SMIM19: variants seen among roughly 807,000 people sequenced by gnomAD.
SMIM19 encodes small integral membrane protein 19.
Under a neutral mutation model 13.2 loss-of-function variants are expected in SMIM19, and 6 were observed. That is an observed-to-expected ratio of 0.45 (90% confidence interval 0.25 to 0.90). The LOEUF (loss-of-function observed/expected upper bound fraction) is 0.90, where lower values mean the gene tolerates loss of function less well. SMIM19 is among the 40% of genes least tolerant of loss of function. The pLI, the probability that SMIM19 is intolerant of heterozygous loss-of-function variation, is 0.19. For synonymous variants in SMIM19, 46 were observed against 43.1 expected, an observed-to-expected ratio of 1.07 and a Z score of -0.27; for missense variants, 138 against 131.0, an observed-to-expected ratio of 1.05 and a Z score of -0.26.
chr8:42,550,261 A>T (rs2131497246), intron 3 of SMIM19, among the ~76,000 whole-genome samples: 1 of 152,306 alleles, frequency 6.6e-6, no homozygotes, highest in African/African-American at 2.4e-5. Flanking sequence ...TTTTTGATGG[A>T]AATGATATAA....
At chr8:42,551,314 A>AAG (rs1294994254) in intron 3 of SMIM19, among the ~76,000 whole-genome samples, 2 of 149,446 alleles carry the variant, frequency 1.3e-5, no homozygotes, top group African/African-American at 4.9e-5. Context: ...CGAGACTCAA[A>AAG]AAAAAAAAAA....
At chr8:42,542,844 G>A (rs974389289) in intron 1 of SMIM19, among the ~76,000 whole-genome samples, 1 of 151,840 alleles carries the variant, frequency 6.6e-6, no homozygotes. Flanking sequence ...CCCAGGCATG[G>A]TGGCACTTGC....
chr8:42,552,516 T>C (rs1189014867), intron 3 of SMIM19, 28 bp from the exon 4 acceptor site: 3 of 1,611,618 alleles, frequency 1.9e-6, no homozygotes, highest in Non-Finnish European at 2.5e-6. Context: ...TTATTAATTT[T>C]ATCTCTTCTT....
At position 42,541,938 on chromosome 8, in the gene SMIM19, G is replaced by A. The variant is rs1813233287; in HGVS notation, c.-440G>A. 6.6e-6 allele frequency: 1 copy of A among 152,212 alleles called. No individual in the cohort carries two copies. Among genetic ancestry groups the A allele is most frequent in the Admixed American group, 6.5e-5 (1 of 15,280 alleles). The allele number at this position is 152,212 out of a possible 1,614,324, so 9.4% of individuals were successfully genotyped here. A position where few individuals can be genotyped will look rare whatever the true frequency, so the allele number is the denominator to read the frequency against. ...CGCTTCCGGAAGCGCACACGGGCCA[G>A]TTGCGGCGGCCCATCTGCCGGGGCG... On this transcript the variant is annotated 5_prime_UTR_variant, in exon 1 of 4. Coordinates refer to ENST00000417410, the MANE Select transcript of SMIM19 (RefSeq NM_001135674.2).
chr8:42,542,875 G>A (rs970129696), intron 1 of SMIM19, among the ~76,000 whole-genome samples: 11 of 151,794 alleles, frequency 7.2e-5, no homozygotes, highest in Non-Finnish European at 1.3e-4. Flanking sequence ...AACTACTTGG[G>A]AGGCTGAGGC....
chr8:42,552,056 T>A (rs532114581), intron 3 of SMIM19, among the ~76,000 whole-genome samples: 1 of 152,096 alleles, frequency 6.6e-6, no homozygotes, highest in Non-Finnish European at 1.5e-5. Flanking sequence ...GCATCAGCAG[T>A]GTTGAGAAAT....
At chr8:42,549,848 G>C (rs1813610994) in intron 3 of SMIM19, among the ~76,000 whole-genome samples, 1 of 152,098 alleles carries the variant, frequency 6.6e-6, no homozygotes, top group South Asian at 2.1e-4. Flanking sequence ...TGTAATCCTA[G>C]CACTTTGGGA....
At chr8:42,548,176 G>A (rs1813550400) in intron 2 of SMIM19, among the ~76,000 whole-genome samples, 1 of 152,166 alleles carries the variant, frequency 6.6e-6, no homozygotes, top group African/African-American at 2.4e-5. Flanking sequence ...TAAAAGCAGA[G>A]GCACGCTGTT....
chr8:42,550,151 A>G (rs1050428897), intron 3 of SMIM19, among the ~76,000 whole-genome samples: 2 of 152,080 alleles, frequency 1.3e-5, no homozygotes, highest in African/African-American at 4.8e-5. Flanking sequence ...AATTCTAAGT[A>G]AAGAACTAAG....
At chr8:42,544,512 C>A (rs1813411630) in intron 1 of SMIM19, among the ~76,000 whole-genome samples, 1 of 151,496 alleles carries the variant, frequency 6.6e-6, no homozygotes, top group Non-Finnish European at 1.5e-5. Context: ...TGGGTATAGT[C>A]TAGTGTTTAA....
In SMIM19 at chr8:42,546,570, T is replaced by C. The variant is rs1650292160; in HGVS notation, c.98T>C (p.Ile33Thr). 1.9e-6 allele frequency: 3 copies of C among 1,614,110 alleles called. No homozygotes were observed. Among genetic ancestry groups the C allele is most frequent in the African/African-American group, 2.7e-5 (2 of 74,954 alleles). The stretch of plus-strand genomic sequence containing the variant: ...GCCACCAATGTTTACTTGATAGTTA[T>C]CCTTGTTAGCTTCGGTCTCTTCATG... Reference protein sequence around the residue: ...NEATNVYLIVILVSFGLFMYA... With the variant: ...NEATNVYLIVTLVSFGLFMYA... Residue 33 changes from isoleucine to threonine, a missense_variant, in exon 2 of 4, where the codon ATC (isoleucine) becomes ACC (threonine). By Grantham distance (89) the Ile-to-Thr change is moderately conservative (BLOSUM62 -1). Coordinates refer to ENST00000417410, the MANE Select transcript of SMIM19 (RefSeq NM_001135674.2).
Position 42,552,546 on chromosome 8 carries a change from A to G in SMIM19, c.262A>G (p.Arg88Gly), listed in dbSNP as rs1301639242. ...RQQLEMYSIS[R>G]KYDYQQPQNQ... ...CTTCTTTTTCTTGTTGTGAATAGCAAGAAAGTACGACTATCAGCAGCCACA... is the reference window on the plus strand; with the variant it reads ...CTTCTTTTTCTTGTTGTGAATAGCAGGAAAGTACGACTATCAGCAGCCACA... The change falls in exon 4 of 4, where the codon AGA (arginine) becomes GGA (glycine). Residue 88 changes from arginine to glycine, a missense_variant and splice_region_variant. Transcript: ENST00000417410. 6.2e-7 allele frequency: 1 copy of G among 1,613,958 alleles called. No individual in the cohort carries two copies. The highest frequency in any genetic ancestry group is 1.7e-5 in the Admixed American group (1 of 59,996).
At chr8:42,543,341 C>CT (rs1050272412) in intron 1 of SMIM19, among the ~76,000 whole-genome samples, 2 of 152,114 alleles carry the variant, frequency 1.3e-5, no homozygotes, top group African/African-American at 2.4e-5. Context: ...CTCCTTACTC[C>CT]TGGCAGCCTT....
At chr8:42,547,106 A>C (rs1402576320) in intron 2 of SMIM19, among the ~76,000 whole-genome samples, 1 of 152,104 alleles carries the variant, frequency 6.6e-6, no homozygotes, top group Non-Finnish European at 1.5e-5. Flanking sequence ...CACACCTGTA[A>C]TCCCAGCATT....
At chr8:42,545,352 A>T (rs1411912906) in intron 1 of SMIM19, among the ~76,000 whole-genome samples, 5 of 152,166 alleles carry the variant, frequency 3.3e-5, no homozygotes, top group African/African-American at 1.2e-4. Flanking sequence ...AGCAAAATGT[A>T]TCTTTTCATC....
At chr8:42,548,427 T>G (rs1472535114) in intron 2 of SMIM19, 2 of 565,656 alleles carry the variant, frequency 3.5e-6, no homozygotes, top group South Asian at 3.0e-5. Context: ...AACTTCACTT[T>G]GTTGTGTTAA....
At chr8:42,552,194 G>A (rs150460549) in intron 3 of SMIM19, among the ~76,000 whole-genome samples, 475 of 152,112 alleles carry the variant, frequency 3.1e-3, no homozygotes, top group African/African-American at 0.011. Flanking sequence ...CAAAGCAAGA[G>A]GATCACTTGA....
rs140337330 is a variant in SMIM19, at chr8:42,548,761, A to G, written c.240A>G (p.Gln80=). The G allele has an allele frequency of 1.1e-3, 1,762 of 1,613,772 alleles. 5 individuals carry two copies. The highest frequency in any genetic ancestry group is 2.1e-3 in the South Asian group (187 of 90,998). Residue 80 remains glutamine, a synonymous_variant, in exon 3 of 4, where the codon CAA becomes CAG. Transcript: ENST00000417410. ...TAAGCAAGATTCGTTTAAGACAACA[A>G]CTGGAAATGTATTCCATTTGTAAGT... ...DTISKIRLRQ[Q]LEMYSISRKY...
chr8:42,554,962 G>A lies in SMIM19; in HGVS notation c.*2354G>A, dbSNP rs1299700921. The A allele has an allele frequency of 6.6e-6, 1 of 152,214 alleles. No homozygotes were observed. Among genetic ancestry groups the A allele is most frequent in the Non-Finnish European group, 1.5e-5 (1 of 68,046 alleles). The allele number at this position is 152,214 out of a possible 1,614,324, so 9.4% of individuals were successfully genotyped here. Reference sequence around the variant, plus strand: ...CCAGCCAGCTGCGTGAAGGGGAGAAGGCCGCCTCCAAGGACACAGATGTTT... The same window carrying A: ...CCAGCCAGCTGCGTGAAGGGGAGAAAGCCGCCTCCAAGGACACAGATGTTT... On this transcript the variant is annotated 3_prime_UTR_variant, in exon 4 of 4. Transcript: ENST00000417410.
Sources: gnomAD v4.1 joint callset for allele counts (sites outside exome capture counted in the v4.1 genomes callset) on GRCh38, gnomAD v4.1.1 for gene constraint, MANE v1.5 for transcripts, NCBI Gene and HGNC (gene_info 2026-07-23, HGNC 2026-07-21) for gene names.